LRP1B: variants seen among roughly 807,000 people sequenced by gnomAD.
LRP1B encodes LDL receptor related protein 1B.
A neutral mutation model predicts 556.6 loss-of-function variants in LRP1B; 217 were observed. The ratio of observed to expected loss-of-function variants is 0.39; its 90% CI spans 0.35 to 0.44. LRP1B has a LOEUF of 0.44. Ranked by LOEUF, LRP1B falls within the 20% of genes least tolerant of loss-of-function variation. LRP1B has a pLI of 1.00. For missense variants in LRP1B, 5,053 were observed against 5,620.8 expected, an observed-to-expected ratio of 0.90 and a Z score of 3.23; for synonymous variants, 2,047 against 1,865.8, an observed-to-expected ratio of 1.10 and a Z score of -2.50.
chr2:140,636,430 T>G (rs568002358), intron 41 of LRP1B, among the ~76,000 whole-genome samples: 1 of 152,266 alleles, frequency 6.6e-6, no homozygotes, highest in African/African-American at 2.4e-5. Context: ...GAAACAAAAG[T>G]ATGATTACCA....
intron 43 of LRP1B, among the ~76,000 whole-genome samples, chr2:140,593,598 T>C (rs927135811): frequency 1.8e-4 from 27 of 152,178 alleles, no homozygotes; most frequent in African/African-American, 6.5e-4. Flanking sequence ...ACCACATAAG[T>C]TAATGTGTTA....
intron 7 of LRP1B, among the ~76,000 whole-genome samples, chr2:141,108,334 CTTTTT>C (rs60275697): frequency 2.0e-3 from 179 of 88,446 alleles, no homozygotes; most frequent in African/African-American, 7.9e-3. Flanking sequence ...TAATCTGTTT[CTTTTT>C]TTTTTTTTTT....
intron 1 of LRP1B, among the ~76,000 whole-genome samples, chr2:141,833,505 G>A (rs958797043): frequency 2.0e-5 from 3 of 151,832 alleles, no homozygotes; most frequent in African/African-American, 7.2e-5. Flanking sequence ...GAGTAAAACA[G>A]TGACAGAGTG....
intron 1 of LRP1B, among the ~76,000 whole-genome samples, chr2:142,060,880 T>A (rs367824540): frequency 6.6e-6 from 1 of 151,994 alleles, no homozygotes; most frequent in Non-Finnish European, 1.5e-5. Flanking sequence ...TTGAGAGATA[T>A]GAGGCATGAA....
chr2:141,272,408 T>G (rs2105371109), intron 3 of LRP1B, among the ~76,000 whole-genome samples: 1 of 151,750 alleles, frequency 6.6e-6, no homozygotes, highest in South Asian at 2.1e-4. Flanking sequence ...GAAATAGAAA[T>G]CCAAAAATGA....
chr2:140,903,783 C>G (rs1439053666), intron 22 of LRP1B, among the ~76,000 whole-genome samples: 3 of 149,400 alleles, frequency 2.0e-5, no homozygotes, highest in South Asian at 4.2e-4. Flanking sequence ...TTCAATGACG[C>G]CATGGAAACA....
At chr2:140,656,737 T>C (rs1317529040) in intron 41 of LRP1B, among the ~76,000 whole-genome samples, 1 of 152,144 alleles carries the variant, frequency 6.6e-6, no homozygotes, top group Non-Finnish European at 1.5e-5. Flanking sequence ...GGGGTTCACT[T>C]TCAGGGAATT....
intron 7 of LRP1B, among the ~76,000 whole-genome samples, chr2:141,144,843 C>A (rs1188837680): frequency 6.6e-6 from 1 of 152,212 alleles, no homozygotes; most frequent in Non-Finnish European, 1.5e-5. Flanking sequence ...ATTATAATTA[C>A]ATCTTCATTG....
chr2:142,070,394 C>T (rs891713268), intron 1 of LRP1B, among the ~76,000 whole-genome samples: 2 of 151,772 alleles, frequency 1.3e-5, no homozygotes, highest in African/African-American at 4.8e-5. Flanking sequence ...ATAACTTGTC[C>T]TAAGGTTGCT....
In LRP1B at chr2:141,114,637, T is replaced by C. The variant is rs555884710; in HGVS notation, c.1014-52364A>G. On this transcript the variant is annotated intron_variant, in intron 7 of 90. Transcript: ENST00000389484. ...GAACAAAGGATAGGGGTGTGGTGGG[T>C]CAGAGTAGTCTTGGAAAAGGCAATA... 3.9e-5 allele frequency among the ~76,000 whole-genome samples: 6 copies of C among 152,146 alleles called. No homozygotes were observed. In the South Asian group the frequency reaches 1.2e-3, roughly 32 times the overall value.
intron 1 of LRP1B, among the ~76,000 whole-genome samples, chr2:141,843,917 A>G (rs1242150202): frequency 1.3e-5 from 2 of 152,086 alleles, no homozygotes; most frequent in African/African-American, 4.8e-5. Context: ...TACCCAGGGA[A>G]CCATAACATC....
intron 2 of LRP1B, among the ~76,000 whole-genome samples, chr2:141,505,985 G>A (rs1410927600): frequency 1.3e-5 from 2 of 152,144 alleles, no homozygotes; most frequent in Non-Finnish European, 1.5e-5. Context: ...ACATTTCCCT[G>A]TCCGGGAAAG....
chr2:141,704,411 C>T (rs896437774), intron 2 of LRP1B, among the ~76,000 whole-genome samples: 8 of 151,870 alleles, frequency 5.3e-5, no homozygotes, highest in Non-Finnish European at 7.4e-5. Flanking sequence ...CAAAGAAGTA[C>T]GTACACTTTT....
At chr2:140,905,954 T>TA (rs941799814) in intron 22 of LRP1B, among the ~76,000 whole-genome samples, 4 of 151,426 alleles carry the variant, frequency 2.6e-5, no homozygotes, top group Non-Finnish European at 4.4e-5. Context: ...AAAATTTCCC[T>TA]AAAAAAAAAT....
At chr2:140,655,620 G>T (rs1278869896) in intron 41 of LRP1B, among the ~76,000 whole-genome samples, 1 of 152,164 alleles carries the variant, frequency 6.6e-6, no homozygotes, top group East Asian at 1.9e-4. Flanking sequence ...AAGTAGCTAG[G>T]TTATAAAAAG....
At chr2:141,714,896 G>A (rs1031905016) in intron 2 of LRP1B, among the ~76,000 whole-genome samples, 2 of 152,076 alleles carry the variant, frequency 1.3e-5, no homozygotes, top group East Asian at 1.9e-4. Flanking sequence ...GTCTTGTTTT[G>A]TTTTATTTAG....
At chr2:141,138,859 A>T (rs911396424) in intron 7 of LRP1B, among the ~76,000 whole-genome samples, 1 of 151,914 alleles carries the variant, frequency 6.6e-6, no homozygotes, top group Non-Finnish European at 1.5e-5. Context: ...TATTGGGAAA[A>T]TGATTTAAAA....
intron 47 of LRP1B, among the ~76,000 whole-genome samples, chr2:140,531,911 T>A (rs1227771269): frequency 6.6e-6 from 1 of 152,144 alleles, no homozygotes; most frequent in Admixed American, 6.6e-5. Context: ...CCTCTATTAG[T>A]CCTGCAGGCT....
At chr2:141,165,454 G>A (rs1370803519) in intron 7 of LRP1B, among the ~76,000 whole-genome samples, 2 of 151,754 alleles carry the variant, frequency 1.3e-5, no homozygotes, top group Non-Finnish European at 2.9e-5. Flanking sequence ...AATCCCCATG[G>A]CATATCAGGA....
Sources: allele counts gnomAD v4.1 joint callset (sites outside exome capture counted in the v4.1 genomes callset), GRCh38; gene constraint gnomAD v4.1.1; transcripts MANE v1.5; gene names NCBI Gene and HGNC (gene_info 2026-07-23, HGNC 2026-07-21).